Variants in HAP1 observed in about 807,000 individuals in gnomAD.
HAP1 encodes huntingtin-associated protein 1.
HAP1 carries 59 observed loss-of-function variants against 60.3 expected under a neutral mutation model. The ratio of observed to expected loss-of-function variants is 0.98; its 90% CI spans 0.79 to 1.22. HAP1 has a LOEUF of 1.22. Ranked by LOEUF, HAP1 falls within the 50% of genes most tolerant of loss-of-function variation. The pLI is 0.00. For synonymous variants in HAP1, 346 were observed against 330.6 expected (o/e 1.05, Z -0.50); for missense variants, 825 against 785.3 (o/e 1.05, Z -0.60).
At chr17:41,730,977 C>A (rs36095272) in intron 6 of HAP1, among the ~76,000 whole-genome samples, 2 of 151,262 alleles carry the variant, frequency 1.3e-5, no homozygotes, top group African/African-American at 4.9e-5. Flanking sequence ...GTGGCGTGAT[C>A]TAGGCTCACT....
chr17:41,732,208 C>G, intron 3 of HAP1, 22 bp downstream of exon 3: 1 of 1,613,478 alleles, frequency 6.2e-7, no homozygotes, highest in South Asian at 1.1e-5. Flanking sequence ...GGCCCGCTAT[C>G]CTCTCCTCCC....
Position 41,731,468 on chromosome 17 carries a change from C to G in HAP1, c.1069+25G>C, listed in dbSNP as rs77728120. On this transcript the variant is annotated intron_variant, in intron 6 of 10. Coordinates refer to ENST00000347901, the MANE Select transcript of HAP1 (RefSeq NM_177977.3). ...TTCTCTGCTCCTTGGGACAACCCCC[C>G]ACCCCGAGTGACAACATTACGTACA... is the stretch of plus-strand genomic sequence containing the variant. 0.011 allele frequency: 17,428 copies of G among 1,536,688 alleles called. 1,594 individuals are homozygous for G. The African/African-American group carries it at 0.21, about 18-fold the overall frequency.
At chr17:41,726,990 A>G (rs1597738675) in intron 9 of HAP1, 63 bp downstream of exon 9, 3 of 828,954 alleles carry the variant, frequency 3.6e-6, no homozygotes, top group Non-Finnish European at 4.0e-6. Flanking sequence ...GTGAGGGCAA[A>G]CCCCCTCCCC....
chr17:41,727,879 C>A, intron 7 of HAP1, 43 bp from the exon 8 acceptor site: 1 of 1,185,226 alleles, frequency 8.4e-7, no homozygotes, highest in Non-Finnish European at 1.3e-6. Context: ...TGAGGCCTAC[C>A]CACTCAGGGC....
Position 41,731,645 on chromosome 17 carries a change from C to T in HAP1, c.995G>A (p.Arg332Lys). The T allele has an allele frequency of 6.2e-7, 1 of 1,613,544 alleles. No individual in the cohort carries two copies. Among genetic ancestry groups the T allele is most frequent in the Non-Finnish European group, 8.5e-7 (1 of 1,179,434 alleles). ...CTCCTCCCCCATTCTCACCTCTTCT[C>T]TCAGCTGATGATTCTCCTCCTCCAG... ...RLLEEENHQL[R>K]EEASQLDTLE... is the part of the protein sequence containing the mutation. Residue 332 changes from arginine (R) to lysine (K), a missense_variant, in exon 5 of 11, where the codon AGA becomes AAA. Arg to Lys is a conservative substitution (Grantham distance 26, BLOSUM62 2). Coordinates refer to ENST00000347901, the MANE Select transcript of HAP1 (RefSeq NM_177977.3).
downstream of HAP1, chr17:41,718,248 A>G: frequency 4.2e-6 from 1 of 240,022 alleles, no homozygotes; most frequent in Non-Finnish European, 9.0e-6. Context: ...GGGAGAATTC[A>G]GGCTCACAGA....
intron 7 of HAP1, 33 bp downstream of exon 7, chr17:41,728,165 GCCA>G (rs1555589488): frequency 6.2e-7 from 1 of 1,602,956 alleles, no homozygotes; most frequent in Non-Finnish European, 8.5e-7. Context: ...GTCCCATGGG[GCCA>G]CGACAAGAGG....
At chr17:41,718,194 G>C, downstream of HAP1, 1 of 282,468 alleles carries the variant, frequency 3.5e-6, no homozygotes, top group Non-Finnish European at 7.7e-6. Flanking sequence ...GATCTTGTCT[G>C]ATCTTGGAAA....
rs1240906107 is a variant in HAP1 at position 41,734,636 on chromosome 17, T to G, written c.-2A>C. ...CCGGCCCAACCTCTTCGGGCGCATC[T>G]CGAGTCTGCCGTCCGCTGCTGCGGC... is the stretch of plus-strand genomic sequence containing the variant. On this transcript the variant is annotated 5_prime_UTR_variant, in exon 1 of 11. Coordinates refer to ENST00000347901, the MANE Select transcript of HAP1 (RefSeq NM_177977.3). 5 of 1,494,488 alleles carry G rather than the reference T, an allele frequency of 3.3e-6. No homozygotes were observed. In the African/African-American group the frequency reaches 5.6e-5, roughly 17 times the overall value. 92.6% of individuals were successfully genotyped at this position (1,494,488 alleles called of 1,614,324 possible).
At position 41,731,746 on chromosome 17, in the gene HAP1, AG is replaced by A; in HGVS notation, c.897-4del. On this transcript the variant is annotated splice_region_variant and splice_polypyrimidine_tract_variant and intron_variant, in intron 4 of 10. Coordinates refer to ENST00000347901, the MANE Select transcript of HAP1 (RefSeq NM_177977.3). ...GCAGCAATGCCTCCTGCGAAATCCTAGGGGAGGGAGGAATGGGAGTCAGGGT... is the reference window on the plus strand; with the variant it reads ...GCAGCAATGCCTCCTGCGAAATCCTAGGGAGGGAGGAATGGGAGTCAGGGT... 6.2e-7 allele frequency: 1 copy of A among 1,606,476 alleles called. No individual in the cohort carries two copies.
downstream of HAP1, chr17:41,718,022 G>T (rs1555586305): frequency 4.3e-6 from 2 of 468,724 alleles, no homozygotes; most frequent in Non-Finnish European, 8.9e-6. Context: ...TCCTCGGCTG[G>T]GGCTCTGTTA....
In HAP1 at chr17:41,732,318, C is replaced by T. The variant is rs782780011; in HGVS notation, c.626G>A (p.Arg209His). The change falls in exon 3 of 11, where the codon CGC becomes CAC. Residue 209 changes from arginine (R) to histidine (H), a missense_variant. Transcript: ENST00000347901. Reference protein sequence around the residue: ...QRERDLNTAARIGQSLVKQNS... With the variant: ...QRERDLNTAAHIGQSLVKQNS... ...CTGTTTCACCAGGGACTGGCCGATG[C>T]GAGCTGCAGTGTTCAGGTCCCTCTC... 10 of 1,613,906 alleles carry T rather than the reference C, an allele frequency of 6.2e-6. No homozygotes were observed. The highest frequency in any genetic ancestry group is 4.5e-5 in the East Asian group (2 of 44,894).
chr17:41,734,190 C>T lies in HAP1; in HGVS notation c.445G>A (p.Ala149Thr). Residue 149 changes from alanine (A) to threonine (T), a missense_variant, in exon 1 of 11, where the codon GCC becomes ACC. Physicochemically the swap from Ala to Thr is moderately conservative, Grantham distance 58 (BLOSUM62 0). Transcript: ENST00000347901. ...CCTTCCTCCAGCTCCCGAATAAAGG[C>T]GGCGCGCTCAGGGCCGGACACCCCG... ...RPGVSGPERA[A>T]FIRELEEALC... The T allele has an allele frequency of 6.3e-7, 1 of 1,586,520 alleles. No individual in the cohort carries two copies. The highest frequency in any genetic ancestry group is 8.6e-7 in the Non-Finnish European group (1 of 1,160,502).
intron 6 of HAP1, among the ~76,000 whole-genome samples, chr17:41,729,898 G>T (rs1270410141): frequency 1.4e-5 from 2 of 142,100 alleles, no homozygotes; most frequent in Non-Finnish European, 3.0e-5. Flanking sequence ...AATTTGCCAG[G>T]CGTGATGGCA....
Position 41,724,740 on chromosome 17 carries a change from A to C in HAP1, c.1821T>G (p.Pro607=). Residue 607 remains proline (P), a synonymous_variant, in exon 11 of 11, where the codon CCT becomes CCG. Transcript: ENST00000347901. ...QKGECPHGAL[P]AASRTSCRSS... is the part of the protein sequence containing the mutation. The stretch of plus-strand genomic sequence containing the variant: ...ATCTGCAGCTTGTCCGGCTGGCGGC[A>C]GGGAGGGCCCCGTGGGGGCACTCAC... The C allele has an allele frequency of 3.8e-6, 6 of 1,595,506 alleles. No homozygotes were observed. Among genetic ancestry groups the C allele is most frequent in the Non-Finnish European group, 5.1e-6 (6 of 1,165,538 alleles).
At chr17:41,729,245 G>T (rs911827165) in intron 6 of HAP1, among the ~76,000 whole-genome samples, 10 of 149,258 alleles carry the variant, frequency 6.7e-5, no homozygotes, top group African/African-American at 9.8e-5. Context: ...CCGGCTACTT[G>T]TTTTTTAAGA....
At chr17:41,725,322 C>T (rs1911548684) in intron 10 of HAP1, among the ~76,000 whole-genome samples, 168 bp from the exon 11 acceptor site, 1 of 152,092 alleles carries the variant, frequency 6.6e-6, no homozygotes, top group Non-Finnish European at 1.5e-5. Context: ...AGCCCATCCC[C>T]CTGGTGGGAG....
chr17:41,721,537 C>A, downstream of HAP1: 1 of 197,040 alleles, frequency 5.1e-6, no homozygotes, highest in Non-Finnish European at 1.1e-5. Flanking sequence ...TCAAAGCTGG[C>A]AATTTCCCCC....
At chr17:41,733,042 T>TTG (rs1555591614) in intron 1 of HAP1, among the ~76,000 whole-genome samples, 5 of 92,424 alleles carry the variant, frequency 5.4e-5, no homozygotes, top group African/African-American at 9.1e-5. Context: ...TTTTTGGTTT[T>TTG]TTTTTTTTTT....
Sources: allele counts gnomAD v4.1 joint callset (sites outside exome capture counted in the v4.1 genomes callset), GRCh38; gene constraint gnomAD v4.1.1; transcripts MANE v1.5; gene names NCBI Gene and HGNC (gene_info 2026-07-23, HGNC 2026-07-21).